Variants in SLC18A3 observed in about 807,000 individuals in gnomAD.
SLC18A3 encodes the protein solute carrier family 18 member A3.
A neutral mutation model predicts 24.2 loss-of-function variants in SLC18A3; 18 were observed. The ratio of observed to expected loss-of-function variants is 0.74; its 90% confidence interval spans 0.51 to 1.10. The LOEUF is 1.10. Among genes scored for constraint, SLC18A3 ranks in the 50% least tolerant of loss-of-function variants. The probability of loss-of-function intolerance (pLI) is 0.00; values close to 1 mark genes in which losing one functional copy is unlikely to be tolerated. For synonymous variants in SLC18A3, 415 were observed against 355.4 expected (o/e 1.17, Z -1.89); for missense variants, 744 against 750.7 (o/e 0.99, Z 0.10).
chr10:49,611,436 G>GGGCATCCTCTATGAGTTCGCC lies in SLC18A3; in HGVS notation c.701_721dup (p.Ile234_Gly240dup). ...GAAGCCTAGTGGCCCCGCCCTTCGG[G>GGGCATCCTCTATGAGTTCGCC]GGCATCCTCTATGAGTTCGCCGGCA... On this transcript the variant is annotated inframe_insertion, in exon 1 of 1. Coordinates refer to ENST00000374115, the MANE Select transcript of SLC18A3 (RefSeq NM_003055.3). 1 of 1,597,968 alleles carries GGGCATCCTCTATGAGTTCGCC rather than the reference G, an allele frequency of 6.3e-7. No homozygotes were observed. The highest frequency in any genetic ancestry group is 8.5e-7 in the Non-Finnish European group (1 of 1,179,206).
In SLC18A3 at chr10:49,610,463, C is replaced by T. The variant is rs980048673; in HGVS notation, c.-278C>T. The T allele has an allele frequency of 5.0e-5, 19 of 380,176 alleles. No homozygotes were observed. Among genetic ancestry groups the T allele is most frequent in the African/African-American group, 3.8e-4 (18 of 47,968 alleles). 23.6% of individuals were successfully genotyped at this position (380,176 alleles called of 1,614,324 possible). A position where few individuals can be genotyped will look rare whatever the true frequency, so the allele number is the denominator to read the frequency against. The stretch of plus-strand genomic sequence containing the variant: ...GCCCCGGGCGAAGTGCGCCCAGTCT[C>T]CGGCCCCGGCCCCTCGGCGCGCCCG... On this transcript the variant is annotated 5_prime_UTR_variant, in exon 1 of 1. Coordinates refer to ENST00000374115, the MANE Select transcript of SLC18A3 (RefSeq NM_003055.3).
rs1024022436 is a variant in SLC18A3, at chr10:49,610,376, A to G, written c.-365A>G. ...ACGGGCGGGCAAGCGGGCGGGCGGC[A>G]ACAGCATGTCCCTCGGCCAGCGCGG... On this transcript the variant is annotated 5_prime_UTR_variant, in exon 1 of 1. Coordinates refer to ENST00000374115, the MANE Select transcript of SLC18A3 (RefSeq NM_003055.3). 8.7e-6 allele frequency: 2 copies of G among 229,354 alleles called. No individual in the cohort carries two copies. The highest frequency in any genetic ancestry group is 1.7e-5 in the Non-Finnish European group (2 of 118,044). The allele number at this position is 229,354 out of a possible 1,614,324, so 14.2% of individuals were successfully genotyped here.
In SLC18A3 at chr10:49,612,042, C is replaced by T. The variant is rs748705960; in HGVS notation, c.1302C>T (p.Leu434=). 4 of 1,613,768 alleles carry T rather than the reference C, an allele frequency of 2.5e-6. No individual in the cohort carries two copies. The South Asian group carries it at 4.4e-5, about 18-fold the overall frequency. The change falls in exon 1 of 1, where the codon CTC becomes CTT. Residue 434 remains leucine, a synonymous_variant. Transcript: ENST00000374115. ...TCTCCTATTCGGTGGCCTACGCGCTCGGGCCCATAGTGGCAGGCCACATTG... is the reference window on the plus strand; with the variant it reads ...TCTCCTATTCGGTGGCCTACGCGCTTGGGCCCATAGTGGCAGGCCACATTG... ...ADISYSVAYA[L]GPIVAGHIVH... is the part of the protein sequence containing the mutation.
Position 49,612,039 on chromosome 10 carries a change from G to T in SLC18A3, c.1299G>T (p.Ala433=), listed in dbSNP as rs769077516. ...IADISYSVAY[A]LGPIVAGHIV... is the part of the protein sequence containing the mutation. ...ACATCTCCTATTCGGTGGCCTACGC[G>T]CTCGGGCCCATAGTGGCAGGCCACA... The change falls in exon 1 of 1, where the codon GCG becomes GCT. Residue 433 remains alanine (A), a synonymous_variant. Coordinates refer to ENST00000374115, the MANE Select transcript of SLC18A3 (RefSeq NM_003055.3). 9 of 1,613,580 alleles carry T rather than the reference G, an allele frequency of 5.6e-6. No homozygotes were observed. In the African/African-American group the frequency reaches 8.0e-5, roughly 14 times the overall value.
rs1332249757 is a variant in SLC18A3, at chr10:49,612,516, C to T, written c.*177C>T. ...TGACCCGTTCCATATCCCTTTCTCT[C>T]TTGTCCAATGGGGCTTGGAGCACCG... On this transcript the variant is annotated 3_prime_UTR_variant, in exon 1 of 1. Transcript: ENST00000374115. 3 of 647,756 alleles carry T rather than the reference C, an allele frequency of 4.6e-6. No homozygotes were observed. The highest frequency in any genetic ancestry group is 7.9e-6 in the Non-Finnish European group (3 of 380,076). 40.1% of individuals were successfully genotyped at this position (647,756 alleles called of 1,614,324 possible). A position where few individuals can be genotyped will look rare whatever the true frequency, so the allele number is the denominator to read the frequency against.
rs1444922917 is a variant in SLC18A3 at position 49,611,901 on chromosome 10, A to G, written c.1161A>G (p.Leu387=). 1.2e-6 allele frequency: 2 copies of G among 1,611,596 alleles called. No homozygotes were observed. The highest frequency in any genetic ancestry group is 2.2e-5 in the South Asian group (2 of 91,064). Reference sequence around the variant, plus strand: ...CCTTCGCGCCGCTAGTGGTCTCACTATGCGGCCTCTGTTTTGGCATAGCCC... The same window carrying G: ...CCTTCGCGCCGCTAGTGGTCTCACTGTGCGGCCTCTGTTTTGGCATAGCCC... ...CRSFAPLVVS[L]CGLCFGIALV... Residue 387 remains leucine (L), a synonymous_variant, in exon 1 of 1, where the codon CTA becomes CTG. Transcript: ENST00000374115.
rs1008103054 is a variant in SLC18A3 at position 49,611,648 on chromosome 10, T to A, written c.908T>A (p.Ile303Asn). Residue 303 changes from isoleucine to asparagine, a missense_variant, in exon 1 of 1, where the codon ATT becomes AAT. Coordinates refer to ENST00000374115, the MANE Select transcript of SLC18A3 (RefSeq NM_003055.3). ...VVAGALTTCN[I>N]PLAFLEPTIA... ...GCCGGCGCGCTCACCACCTGTAACA[T>A]TCCCCTCGCCTTCCTCGAACCCACC... 6.2e-7 allele frequency: 1 copy of A among 1,612,056 alleles called. No homozygotes were observed. The highest frequency in any genetic ancestry group is 8.5e-7 in the Non-Finnish European group (1 of 1,179,958).
rs1880675 is a variant in SLC18A3 at position 49,610,716 on chromosome 10, C to T, written c.-25C>T. On this transcript the variant is annotated 5_prime_UTR_variant, in exon 1 of 1. Transcript: ENST00000374115. ...AGCGCTCGGCCCTGGCGGAGGCGTC[C>T]TCGGAAGAGCATCGGGGTGGGGGCA... The T allele has an allele frequency of 0.97, 1,430,483 of 1,471,956 alleles. 698,484 individuals carry two copies. Among genetic ancestry groups the T allele is most frequent in the Non-Finnish European group, 0.99 (1,110,904 of 1,116,786 alleles). The allele number at this position is 1,471,956 out of a possible 1,614,324, so 91.2% of individuals were successfully genotyped here.
Position 49,611,530 on chromosome 10 carries a change from A to C in SLC18A3, c.790A>C (p.Lys264Gln). The C allele has an allele frequency of 4.4e-6, 7 of 1,602,698 alleles. No individual in the cohort carries two copies. Among genetic ancestry groups the C allele is most frequent in the Non-Finnish European group, 5.9e-6 (7 of 1,179,926 alleles). The change falls in exon 1 of 1, where the codon AAA becomes CAA. Residue 264 changes from lysine (K) to glutamine (Q), a missense_variant. Transcript: ENST00000374115. Reference sequence around the variant, plus strand: ...CGCGCTGTTGCTGCTGGCAGTGGCCAAACCCTTCTCGGCGGCTGCACGGGC... The same window carrying C: ...CGCGCTGTTGCTGCTGGCAGTGGCCCAACCCTTCTCGGCGGCTGCACGGGC... ...FDALLLLAVA[K>Q]PFSAAARARA... is the part of the protein sequence containing the mutation.
Position 49,610,682 on chromosome 10 carries a change from C to T in SLC18A3, c.-59C>T. 6.9e-7 allele frequency: 1 copy of T among 1,439,396 alleles called. No homozygotes were observed. Among genetic ancestry groups the T allele is most frequent in the Non-Finnish European group, 9.1e-7 (1 of 1,100,398 alleles). The allele number at this position is 1,439,396 out of a possible 1,614,324, so 89.2% of individuals were successfully genotyped here. A position where few individuals can be genotyped will look rare whatever the true frequency, so the allele number is the denominator to read the frequency against. On this transcript the variant is annotated 5_prime_UTR_variant, in exon 1 of 1. Transcript: ENST00000374115. ...GTCCCGTGCCCTCGCCTCTGCACTG[C>T]GGGACGCCAGCGCTCGGCCCTGGCG...
chr10:49,612,643 C>A lies in SLC18A3; in HGVS notation c.*304C>A, dbSNP rs2132690205. The A allele has an allele frequency of 2.7e-6, 1 of 369,872 alleles. No individual in the cohort carries two copies. The highest frequency in any genetic ancestry group is 4.3e-5 in the East Asian group (1 of 23,182). The allele number at this position is 369,872 out of a possible 1,614,324, so 22.9% of individuals were successfully genotyped here. ...GCCTGCATCTGTCTGTCCTTCCTTC[C>A]ATTGCTCCCAGTGCCAAACTTGGGC... On this transcript the variant is annotated 3_prime_UTR_variant, in exon 1 of 1. Coordinates refer to ENST00000374115, the MANE Select transcript of SLC18A3 (RefSeq NM_003055.3).
rs568658869 is a variant in SLC18A3, at chr10:49,611,068, G to A, written c.328G>A (p.Ala110Thr). The A allele has an allele frequency of 3.1e-6, 5 of 1,614,080 alleles. No individual in the cohort carries two copies. In the East Asian group the frequency reaches 8.9e-5, roughly 29 times the overall value. The change falls in exon 1 of 1, where the codon GCC becomes ACC. Residue 110 changes from alanine (A) to threonine (T), a missense_variant. Physicochemically the swap from Ala to Thr is moderately conservative, Grantham distance 58. Coordinates refer to ENST00000374115, the MANE Select transcript of SLC18A3 (RefSeq NM_003055.3). ...SPTAAWPAGS[A>T]LRPRYPTESE... ...GACAGCTGCGTGGCCAGCGGGCTCAGCCCTTCGGCCCCGCTACCCTACGGA... is the reference window on the plus strand; with the variant it reads ...GACAGCTGCGTGGCCAGCGGGCTCAACCCTTCGGCCCCGCTACCCTACGGA...
rs1249753448 is a variant in SLC18A3, at chr10:49,610,653, C to G, written c.-88C>G. On this transcript the variant is annotated 5_prime_UTR_variant, in exon 1 of 1. Transcript: ENST00000374115. Reference sequence around the variant, plus strand: ...GTCTGCTCGGCCAGGACAGCCTCCCCGAAGTCCCGTGCCCTCGCCTCTGCA... The same window carrying G: ...GTCTGCTCGGCCAGGACAGCCTCCCGGAAGTCCCGTGCCCTCGCCTCTGCA... 7.5e-7 allele frequency: 1 copy of G among 1,335,952 alleles called. No individual in the cohort carries two copies. Among genetic ancestry groups the G allele is most frequent in the African/African-American group, 1.5e-5 (1 of 65,584 alleles). The allele number at this position is 1,335,952 out of a possible 1,614,324, so 82.8% of individuals were successfully genotyped here. A position where few individuals can be genotyped will look rare whatever the true frequency, so the allele number is the denominator to read the frequency against.
Position 49,610,461 on chromosome 10 carries a change from C to T in SLC18A3, c.-280C>T. 1 of 378,168 alleles carries T rather than the reference C, an allele frequency of 2.6e-6. No individual in the cohort carries two copies. The highest frequency in any genetic ancestry group is 4.7e-6 in the Non-Finnish European group (1 of 214,024). 23.4% of individuals were successfully genotyped at this position (378,168 alleles called of 1,614,324 possible). ...GCGCCCCGGGCGAAGTGCGCCCAGT[C>T]TCCGGCCCCGGCCCCTCGGCGCGCC... On this transcript the variant is annotated 5_prime_UTR_variant, in exon 1 of 1. Coordinates refer to ENST00000374115, the MANE Select transcript of SLC18A3 (RefSeq NM_003055.3).
Position 49,611,576 on chromosome 10 carries a change from G to A in SLC18A3, c.836G>A (p.Gly279Asp), listed in dbSNP as rs375210693. The A allele has an allele frequency of 1.9e-6, 3 of 1,607,984 alleles. No homozygotes were observed. In the African/African-American group the frequency reaches 4.0e-5, roughly 21 times the overall value. Residue 279 changes from glycine (G) to aspartate (D), a missense_variant, in exon 1 of 1, where the codon GGC becomes GAC. By Grantham distance (94) the Gly-to-Asp change is moderately conservative. Around this residue, in one of 3 missense-constraint regions of SLC18A3, gnomAD observed 566 missense variants for 566.2 expected, o/e 1.00. Coordinates refer to ENST00000374115, the MANE Select transcript of SLC18A3 (RefSeq NM_003055.3). ...AARARANLPV[G>D]TPIHRLMLDP... Reference sequence around the variant, plus strand: ...CGGGCTCGGGCCAACCTGCCAGTGGGCACTCCCATCCACCGCCTCATGCTA... The same window carrying A: ...CGGGCTCGGGCCAACCTGCCAGTGGACACTCCCATCCACCGCCTCATGCTA...
rs1423371770 is a variant in SLC18A3, at chr10:49,611,589, C to T, written c.849C>T (p.His283=). The change falls in exon 1 of 1, where the codon CAC becomes CAT. Residue 283 remains histidine, a synonymous_variant. Transcript: ENST00000374115. The stretch of plus-strand genomic sequence containing the variant: ...ACCTGCCAGTGGGCACTCCCATCCA[C>T]CGCCTCATGCTAGACCCCTACATTG... ...RANLPVGTPI[H]RLMLDPYIAV... 20 of 1,609,518 alleles carry T rather than the reference C, an allele frequency of 1.2e-5. No homozygotes were observed. Among genetic ancestry groups the T allele is most frequent in the Non-Finnish European group, 1.6e-5 (19 of 1,179,994 alleles).
chr10:49,611,289 C>T lies in SLC18A3; in HGVS notation c.549C>T (p.Ser183=), dbSNP rs772343711. The T allele has an allele frequency of 6.2e-7, 1 of 1,609,360 alleles. No individual in the cohort carries two copies. Among genetic ancestry groups the T allele is most frequent in the South Asian group, 1.1e-5 (1 of 91,078 alleles). The change falls in exon 1 of 1, where the codon AGC becomes AGT. Residue 183 remains serine (S), a synonymous_variant. Transcript: ENST00000374115. ...ACGCCACGCTGTTCGCGGCGCGCAG[C>T]CTGCAGGGCCTGGGCTCAGCCTTCG... ...EDYATLFAAR[S]LQGLGSAFAD...
rs2132685916 is a variant in SLC18A3, at chr10:49,610,952, C to T, written c.212C>T (p.Pro71Leu). 1 of 1,610,754 alleles carries T rather than the reference C, an allele frequency of 6.2e-7. No homozygotes were observed. Among genetic ancestry groups the T allele is most frequent in the African/African-American group, 1.3e-5 (1 of 74,982 alleles). Residue 71 changes from proline (P) to leucine (L), a missense_variant, in exon 1 of 1, where the codon CCC (proline) becomes CTC (leucine). Physicochemically the swap from Pro to Leu is moderately conservative, Grantham distance 98. Transcript: ENST00000374115. ...CACATGCGCGGGGGCGGCGAGGGCC[C>T]CACCCGGACTCCCGAGGTGTGGGAG... Reference protein sequence around the residue: ...IAHMRGGGEGPTRTPEVWEPT... With the variant: ...IAHMRGGGEGLTRTPEVWEPT...
chr10:49,610,604 C>T lies in SLC18A3; in HGVS notation c.-137C>T, dbSNP rs1271737211. 8.5e-6 allele frequency: 7 copies of T among 818,844 alleles called. No homozygotes were observed. The highest frequency in any genetic ancestry group is 1.2e-5 in the Non-Finnish European group (7 of 566,482). The allele number at this position is 818,844 out of a possible 1,614,324, so 50.7% of individuals were successfully genotyped here. A position where few individuals can be genotyped will look rare whatever the true frequency, so the allele number is the denominator to read the frequency against. On this transcript the variant is annotated 5_prime_UTR_variant, in exon 1 of 1. Transcript: ENST00000374115. ...TCCCGGGACGCTGGGCCATGAGCTCCGCGGCCACCTGAGGCACAGGGGAGT... is the reference window on the plus strand; with the variant it reads ...TCCCGGGACGCTGGGCCATGAGCTCTGCGGCCACCTGAGGCACAGGGGAGT...
Sources: allele counts gnomAD v4.1 joint callset, GRCh38; gene constraint gnomAD v4.1.1; regional missense constraint gnomAD v4.1.1; transcripts MANE v1.5; gene names NCBI Gene and HGNC (gene_info 2026-07-23, HGNC 2026-07-21).